CDKN2B-AS1: variants seen among roughly 807,000 people sequenced by gnomAD.
CDKN2B-AS1 encodes CDKN2B antisense RNA 1 (non-protein coding).
At chr9:22,100,077 G>A (rs976539390) in intron 4 of CDKN2B-AS1, among the ~76,000 whole-genome samples, 1 of 152,100 alleles carries the variant, frequency 6.6e-6, no homozygotes, top group Non-Finnish European at 1.5e-5. Context: ...TGACAGATTG[G>A]TTATGGGATA....
chr9:22,018,997 C>G (rs759789167), intron 1 of CDKN2B-AS1, among the ~76,000 whole-genome samples: 1 of 152,130 alleles, frequency 6.6e-6, no homozygotes, highest in Non-Finnish European at 1.5e-5. Flanking sequence ...AGAAAATTAA[C>G]TAATCAAAAG....
chr9:22,112,785 A>G (rs1825835349), intron 4 of CDKN2B-AS1, among the ~76,000 whole-genome samples: 1 of 152,192 alleles, frequency 6.6e-6, no homozygotes, highest in South Asian at 2.1e-4. Context: ...TTTTCCAAAA[A>G]GCAATCAATG....
At chr9:22,113,224 C>T (rs1456729926) in intron 4 of CDKN2B-AS1, among the ~76,000 whole-genome samples, 1 of 152,078 alleles carries the variant, frequency 6.6e-6, no homozygotes, top group African/African-American at 2.4e-5. Context: ...AGCCTGTGTC[C>T]CTTTTAAACT....
intron 4 of CDKN2B-AS1, among the ~76,000 whole-genome samples, chr9:22,103,332 G>A (rs1825555516): frequency 6.6e-6 from 1 of 152,100 alleles, no homozygotes. Flanking sequence ...CTTTTCTGGA[G>A]CTTGGCTATT....
chr9:22,079,886 G>A (rs1824637368), intron 4 of CDKN2B-AS1, among the ~76,000 whole-genome samples: 3 of 152,220 alleles, frequency 2.0e-5, no homozygotes, highest in Non-Finnish European at 2.9e-5. Flanking sequence ...TTGTCAAAGT[G>A]TCTTTCTAGT....
chr9:22,012,410 A>C (rs1445632240), intron 1 of CDKN2B-AS1: 2 of 783,162 alleles, frequency 2.6e-6, no homozygotes, highest in Non-Finnish European at 4.6e-6. Context: ...CTTCCAGCTC[A>C]CCTAGAAATA....
chr9:22,113,498 A>G (rs998243626), intron 4 of CDKN2B-AS1, among the ~76,000 whole-genome samples: 1 of 152,232 alleles, frequency 6.6e-6, no homozygotes, highest in Non-Finnish European at 1.5e-5. Flanking sequence ...ACATTCGCAC[A>G]TTGCAGAGAC....
intron 4 of CDKN2B-AS1, among the ~76,000 whole-genome samples, chr9:22,072,255 G>T (rs967019321): frequency 2.0e-5 from 3 of 152,100 alleles, no homozygotes; most frequent in Non-Finnish European, 4.4e-5. Flanking sequence ...TCCTTGATAG[G>T]TTCTTTTAGA....
intron 1 of CDKN2B-AS1, among the ~76,000 whole-genome samples, chr9:22,019,623 G>A (rs770962609): frequency 2.5e-4 from 38 of 152,142 alleles, no homozygotes; most frequent in Non-Finnish European, 4.6e-4. Context: ...AACTATCAAG[G>A]TGGAGATATC....
At chr9:22,025,968 C>T (rs1371500454) in intron 1 of CDKN2B-AS1, among the ~76,000 whole-genome samples, 1 of 152,106 alleles carries the variant, frequency 6.6e-6, no homozygotes, top group East Asian at 1.9e-4. Context: ...TGCTCCTCTC[C>T]CTGGGACAAA....
intron 1 of CDKN2B-AS1, among the ~76,000 whole-genome samples, chr9:22,007,256 G>A (rs966668438): frequency 2.6e-5 from 4 of 152,134 alleles, no homozygotes; most frequent in Non-Finnish European, 5.9e-5. Context: ...CAGCAACTCA[G>A]GAGGCTGAGG....
chr9:22,029,621 C>G (rs1335418351), intron 1 of CDKN2B-AS1: 1 of 644,144 alleles, frequency 1.6e-6, no homozygotes, highest in African/African-American at 1.8e-5. Context: ...AAACCATCAT[C>G]TTTCAGGTCT....
chr9:22,082,239 C>T (rs748852280), intron 4 of CDKN2B-AS1, among the ~76,000 whole-genome samples: 2 of 152,124 alleles, frequency 1.3e-5, no homozygotes, highest in Admixed American at 1.3e-4. Context: ...CTAGTTATAG[C>T]GGGTCTTGAA....
At chr9:22,053,614 T>A (rs1261084052) in intron 3 of CDKN2B-AS1, among the ~76,000 whole-genome samples, 4 of 152,228 alleles carry the variant, frequency 2.6e-5, no homozygotes, top group Non-Finnish European at 5.9e-5. Context: ...ACCTTCCAGA[T>A]GACTTCTTTC....
At chr9:22,012,583 G>A (rs1362218287) in intron 1 of CDKN2B-AS1, 7 of 475,286 alleles carry the variant, frequency 1.5e-5, no homozygotes, top group East Asian at 1.4e-4. Context: ...AGGCCCCATG[G>A]CCCTGGAGCC....
At chr9:22,048,419 A>G (rs1006982360) in intron 2 of CDKN2B-AS1, among the ~76,000 whole-genome samples, 2 of 152,170 alleles carry the variant, frequency 1.3e-5, no homozygotes, top group African/African-American at 4.8e-5. Context: ...ACTCCCGTGG[A>G]ATAATTTCCA....
Position 22,009,006 on chromosome 9 carries a change from C to T in CDKN2B-AS1, n.29+13845C>T, listed in dbSNP as rs958472006. 2.5e-6 allele frequency: 4 copies of T among 1,611,330 alleles called. No individual in the cohort carries two copies. The African/African-American group carries it at 4.0e-5, about 16-fold the overall frequency. ...CGGATAATCCACCGTTGGCCGTAAA[C>T]TTAACGACACTCTTCCCTTCTTTCC... is the stretch of plus-strand genomic sequence containing the variant. On this transcript the variant is annotated intron_variant and non_coding_transcript_variant, in intron 1 of 4. Coordinates refer to ENST00000650946, the Ensembl canonical transcript of CDKN2B-AS1.
intron 4 of CDKN2B-AS1, among the ~76,000 whole-genome samples, chr9:22,069,727 A>C (rs1443738700): frequency 1.3e-5 from 2 of 152,172 alleles, no homozygotes; most frequent in African/African-American, 4.8e-5. Flanking sequence ...TGTTAATCAT[A>C]GTCACTCTAC....
At chr9:22,114,803 G>A (rs1825903875) in intron 4 of CDKN2B-AS1, among the ~76,000 whole-genome samples, 1 of 152,158 alleles carries the variant, frequency 6.6e-6, no homozygotes, top group South Asian at 2.1e-4. Context: ...TTTTTTGTGT[G>A]TGAATTCATG....
Sources: allele counts gnomAD v4.1 joint callset (sites outside exome capture counted in the v4.1 genomes callset), GRCh38; gene constraint gnomAD v4.1.1; transcripts MANE v1.5; gene names NCBI Gene and HGNC (gene_info 2026-07-23, HGNC 2026-07-21).